AUH: variants seen among roughly 807,000 people sequenced by gnomAD.
AUH encodes the protein methylglutaconyl-CoA hydratase, mitochondrial.
In AUH, 29 loss-of-function variants were observed where a neutral mutation model predicts 42.3. The observed-to-expected ratio is 0.69, with a 90% confidence interval of 0.51 to 0.93. The LOEUF (loss-of-function observed/expected upper bound fraction) is 0.93. AUH is among the 40% of genes least tolerant of loss of function. The pLI is 0.00. For synonymous variants in AUH, 174 were observed against 166.4 expected, an observed-to-expected ratio of 1.05 and a Z score of -0.35; for missense variants, 452 against 438.1, an observed-to-expected ratio of 1.03 and a Z score of -0.28.
chr9:91,310,428 T>C (rs1828613758), intron 4 of AUH, among the ~76,000 whole-genome samples: 1 of 152,118 alleles, frequency 6.6e-6, no homozygotes, highest in South Asian at 2.1e-4. Flanking sequence ...ATCAGGTACC[T>C]ACCATGTGCT....
intron 6 of AUH, among the ~76,000 whole-genome samples, chr9:91,278,894 C>T (rs1825748750): frequency 6.6e-6 from 1 of 152,096 alleles, no homozygotes; most frequent in Admixed American, 6.5e-5. Context: ...GAAAAGAACC[C>T]AGGCAAAGAA....
chr9:91,332,631 C>T (rs528005969), intron 3 of AUH, among the ~76,000 whole-genome samples: 1 of 152,250 alleles, frequency 6.6e-6, no homozygotes, highest in African/African-American at 2.4e-5. Flanking sequence ...TACTGACAGG[C>T]TGGGGAGCAC....
At chr9:91,289,599 C>T (rs899446197) in intron 6 of AUH, among the ~76,000 whole-genome samples, 2 of 152,180 alleles carry the variant, frequency 1.3e-5, no homozygotes, top group Admixed American at 6.5e-5. Flanking sequence ...AAGCTCTTTA[C>T]AACATTTAAC....
chr9:91,230,077 G>C (rs1296756281), intron 6 of AUH, among the ~76,000 whole-genome samples: 10 of 151,162 alleles, frequency 6.6e-5, no homozygotes, highest in Non-Finnish European at 1.3e-4. Flanking sequence ...GGCGTTCTCT[G>C]TATTTCCTGA....
Position 91,285,316 on chromosome 9 carries a change from G to A in AUH, c.655+10705C>T, listed in dbSNP as rs192906007. ...CACACACTGGGGCCTGTCATGGGGT[G>A]GGGGAAGGGGGGAGGGATAGCATTA... On this transcript the variant is annotated intron_variant, in intron 6 of 9. Transcript: ENST00000375731. Among the ~76,000 whole-genome samples the A allele has an allele frequency of 1.3e-3, 200 of 152,072 alleles. 2 individuals carry two copies. The highest frequency in any genetic ancestry group is 4.4e-3 in the African/African-American group (181 of 41,496).
intron 6 of AUH, among the ~76,000 whole-genome samples, chr9:91,276,095 G>A (rs919251314): frequency 6.6e-6 from 1 of 151,954 alleles, no homozygotes; most frequent in Non-Finnish European, 1.5e-5. Flanking sequence ...ATAAGCTAAT[G>A]GGGTACATAA....
At chr9:91,329,709 A>G (rs1297889297) in intron 3 of AUH, among the ~76,000 whole-genome samples, 2 of 151,846 alleles carry the variant, frequency 1.3e-5, no homozygotes, top group Admixed American at 6.6e-5. Context: ...TTTCTTGGTG[A>G]TTTTTGAAGC....
chr9:91,238,991 T>TCC (rs1253173026), intron 6 of AUH, among the ~76,000 whole-genome samples: 1 of 152,128 alleles, frequency 6.6e-6, no homozygotes, highest in Non-Finnish European at 1.5e-5. Flanking sequence ...AGATGTTACT[T>TCC]CCCCCTTTTT....
intron 1 of AUH, among the ~76,000 whole-genome samples, chr9:91,357,936 CAT>C (rs1832555700): frequency 6.6e-6 from 1 of 152,168 alleles, no homozygotes; most frequent in South Asian, 2.1e-4. Flanking sequence ...TAGGTATAAA[CAT>C]ATACACATGC....
At chr9:91,346,993 G>GA (rs1276352600) in intron 3 of AUH, among the ~76,000 whole-genome samples, 3 of 152,016 alleles carry the variant, frequency 2.0e-5, no homozygotes, top group African/African-American at 7.2e-5. Flanking sequence ...CAACCTCCTA[G>GA]AAAATCAATG....
chr9:91,324,122 CAAAG>C (rs1346533426), intron 4 of AUH, among the ~76,000 whole-genome samples: 1 of 151,858 alleles, frequency 6.6e-6, no homozygotes, highest in Non-Finnish European at 1.5e-5. Flanking sequence ...CATTTAAACA[CAAAG>C]AATATAAAAA....
chr9:91,323,500 G>A (rs1829741439), intron 4 of AUH, among the ~76,000 whole-genome samples: 1 of 151,990 alleles, frequency 6.6e-6, no homozygotes, highest in African/African-American at 2.4e-5. Flanking sequence ...ATACGTGCCT[G>A]TAGTCTCAGC....
intron 6 of AUH, among the ~76,000 whole-genome samples, chr9:91,263,862 C>T (rs531173603): frequency 6.6e-6 from 1 of 152,174 alleles, no homozygotes; most frequent in African/African-American, 2.4e-5. Context: ...ACTGCCTCTC[C>T]CAATTTTTAG....
At chr9:91,231,420 C>T (rs974775341) in intron 6 of AUH, among the ~76,000 whole-genome samples, 27 of 152,338 alleles carry the variant, frequency 1.8e-4, no homozygotes, top group African/African-American at 4.1e-4. Context: ...GGCTCACACA[C>T]GGTGCGCGCA....
At chr9:91,249,799 C>A (rs1284517805) in intron 6 of AUH, among the ~76,000 whole-genome samples, 2 of 150,334 alleles carry the variant, frequency 1.3e-5, no homozygotes, top group Admixed American at 1.3e-4. Flanking sequence ...ATCACAAGGT[C>A]AAGAGATCAA....
intron 6 of AUH, among the ~76,000 whole-genome samples, chr9:91,291,315 G>T (rs1308020641): frequency 3.3e-5 from 5 of 151,696 alleles, no homozygotes; most frequent in Admixed American, 3.3e-4. Flanking sequence ...TGTTGGGGGG[G>T]TGGGGGTGGA....
intron 3 of AUH, among the ~76,000 whole-genome samples, chr9:91,342,152 G>C (rs994144609): frequency 6.6e-6 from 1 of 152,222 alleles, no homozygotes; most frequent in Non-Finnish European, 1.5e-5. Context: ...TGGCAAGGCT[G>C]CATTCCTTCT....
chr9:91,247,960 G>A (rs1828890850), intron 6 of AUH, among the ~76,000 whole-genome samples: 1 of 151,988 alleles, frequency 6.6e-6, no homozygotes, highest in Non-Finnish European at 1.5e-5. Flanking sequence ...TTCTATTCTG[G>A]AGCTCGTACT....
intron 3 of AUH, 21 bp from the exon 4 acceptor site, chr9:91,325,425 A>G: frequency 6.2e-7 from 1 of 1,607,200 alleles, no homozygotes; most frequent in Non-Finnish European, 8.5e-7. Context: ...TTTTATTTAC[A>G]AATATAATCT....
Sources: allele counts gnomAD v4.1 joint callset (sites outside exome capture counted in the v4.1 genomes callset), GRCh38; gene constraint gnomAD v4.1.1; transcripts MANE v1.5; gene names NCBI Gene and HGNC (gene_info 2026-07-23, HGNC 2026-07-21).